CNTNAP4: variants seen among roughly 807,000 people sequenced by gnomAD.
CNTNAP4 encodes contactin associated protein family member 4, also known as contactin-associated protein-like 4.
Under a neutral mutation model 148.4 loss-of-function variants are expected in CNTNAP4, and 98 were observed. The ratio of observed to expected loss-of-function variants is 0.66; its 90% confidence interval spans 0.56 to 0.78. The LOEUF is 0.78. Among genes scored for constraint, CNTNAP4 ranks in the 30% least tolerant of loss-of-function variants. The probability of loss-of-function intolerance (pLI) is 0.00; values close to 1 mark genes in which losing one functional copy is unlikely to be tolerated. For missense variants in CNTNAP4, 1,935 were observed against 1,565.6 expected (o/e 1.24, Z -3.98); for synonymous variants, 730 against 565.1 (o/e 1.29, Z -4.14).
At chr16:76,359,508 G>T (rs2013140872) in intron 3 of CNTNAP4, among the ~76,000 whole-genome samples, 1 of 150,466 alleles carries the variant, frequency 6.6e-6, no homozygotes, top group African/African-American at 2.5e-5. Context: ...TTAAAAAAAT[G>T]CTCTGCCACT....
At chr16:76,486,362 G>A (rs1477549664) in intron 12 of CNTNAP4, among the ~76,000 whole-genome samples, 3 of 152,020 alleles carry the variant, frequency 2.0e-5, no homozygotes, top group South Asian at 2.1e-4. Flanking sequence ...CAACCAGTTC[G>A]AAGGAGAATC....
intron 8 of CNTNAP4, among the ~76,000 whole-genome samples, chr16:76,455,447 C>T (rs2080689772): frequency 6.6e-6 from 1 of 152,168 alleles, no homozygotes; most frequent in South Asian, 2.1e-4. Context: ...GGAGCAGCCC[C>T]CTTGATTTGC....
intron 15 of CNTNAP4, among the ~76,000 whole-genome samples, chr16:76,517,720 G>C (rs1189939861): frequency 6.6e-6 from 1 of 152,030 alleles, no homozygotes; most frequent in African/African-American, 2.4e-5. Flanking sequence ...GCTATTGAAT[G>C]GCTTTTAGTA....
At chr16:76,419,449 C>G (rs535138870) in intron 3 of CNTNAP4, among the ~76,000 whole-genome samples, 1 of 152,148 alleles carries the variant, frequency 6.6e-6, no homozygotes, top group East Asian at 1.9e-4. Context: ...TGGATGGGTT[C>G]TTGGAGGTAA....
chr16:76,331,509 T>G (rs906369735), intron 2 of CNTNAP4, among the ~76,000 whole-genome samples: 1 of 151,870 alleles, frequency 6.6e-6, no homozygotes, highest in Non-Finnish European at 1.5e-5. Context: ...TCAAGTTTTT[T>G]TTTTTTTCTT....
rs533282309 is a variant in CNTNAP4 at position 76,313,169 on chromosome 16, A to G, written c.86-3244A>G. On this transcript the variant is annotated intron_variant, in intron 1 of 23. Transcript: ENST00000611870. The stretch of plus-strand genomic sequence containing the variant: ...CTCTTTTAAAGCTAGAGGTAGAACA[A>G]TATTGATTCTTAATTTATAGTTGGC... Among the ~76,000 whole-genome samples, 4 of 152,310 alleles carry G rather than the reference A, an allele frequency of 2.6e-5. No individual in the cohort carries two copies. In the South Asian group the frequency reaches 6.2e-4, roughly 24 times the overall value.
Sources: allele counts gnomAD v4.1 joint callset (sites outside exome capture counted in the v4.1 genomes callset), GRCh38; gene constraint gnomAD v4.1.1; transcripts MANE v1.5; gene names NCBI Gene and HGNC (gene_info 2026-07-23, HGNC 2026-07-21).